The following ARHGAP33 variants were observed in gnomAD, a reference collection of about 807,000 sequenced individuals.
The protein encoded by ARHGAP33 is rho GTPase-activating protein 33.
Under a neutral mutation model 126.2 loss-of-function variants are expected in ARHGAP33, and 57 were observed. The ratio of observed to expected loss-of-function variants is 0.45; its 90% CI spans 0.36 to 0.56. The LOEUF (loss-of-function observed/expected upper bound fraction) is 0.56. Among genes scored for constraint, ARHGAP33 ranks in the 20% least tolerant of loss-of-function variants. The pLI, the probability that ARHGAP33 is intolerant of heterozygous loss-of-function variation, is 0.00. For missense variants in ARHGAP33, 1,500 were observed against 1,748.3 expected (o/e 0.86, Z 2.53); for synonymous variants, 711 against 755.0 (o/e 0.94, Z 0.95).
At position 35,780,249 on chromosome 19, in the gene ARHGAP33, G is replaced by A. The variant is rs545603389; in HGVS notation, c.540G>A (p.Glu180=). Residue 180 remains glutamate (E), a synonymous_variant, in exon 7 of 21, where the codon GAG becomes GAA. Coordinates refer to ENST00000007510, the MANE Select transcript of ARHGAP33 (RefSeq NM_001366178.1). ...GCCGGCGACTGCTCCTCAGTGAGGA[G>A]GCGTCACTCAATATCCCTGCAGTGG... ...NHGRRLLLSE[E]ASLNIPAVAA... is the part of the protein sequence containing the mutation. 3 of 1,614,006 alleles carry A rather than the reference G, an allele frequency of 1.9e-6. No homozygotes were observed. Among genetic ancestry groups the A allele is most frequent in the East Asian group, 2.2e-5 (1 of 44,886 alleles).
chr19:35,784,648 C>T (rs1260089667), intron 16 of ARHGAP33: 2 of 1,299,586 alleles, frequency 1.5e-6, no homozygotes, highest in East Asian at 3.2e-5. Flanking sequence ...GACTCCCCGC[C>T]CTGCCCCGGA....
At position 35,780,406 on chromosome 19, in the gene ARHGAP33, C is replaced by T. The variant is rs1323649528; in HGVS notation, c.625-15C>T. On this transcript the variant is annotated splice_polypyrimidine_tract_variant and intron_variant, in intron 7 of 20. Transcript: ENST00000007510. ...GCTCCTTCTGACCCTTCTCTTCCCA[C>T]CCGCCCTCTCCCAGGTGGGAGACAT... is the stretch of plus-strand genomic sequence containing the variant. 1.9e-6 allele frequency: 3 copies of T among 1,599,090 alleles called. No individual in the cohort carries two copies. Among genetic ancestry groups the T allele is most frequent in the Admixed American group, 3.4e-5 (2 of 59,042 alleles).
At chr19:35,784,498 C>G in intron 16 of ARHGAP33, 181 bp downstream of exon 16, 1 of 1,334,824 alleles carries the variant, frequency 7.5e-7, no homozygotes, top group African/African-American at 1.6e-5. Flanking sequence ...ATTTCAGCTC[C>G]TCCGCTCAGG....
intron 5 of ARHGAP33, 25 bp downstream of exon 5, chr19:35,778,626 C>T (rs1409115220): frequency 6.2e-7 from 1 of 1,606,946 alleles, no homozygotes; most frequent in Non-Finnish European, 8.5e-7. Flanking sequence ...GTCTCAGCCC[C>T]TGCCTCATGA....
intron 19 of ARHGAP33, 116 bp downstream of exon 19, chr19:35,785,599 T>C (rs1972072505): frequency 2.6e-6 from 4 of 1,516,532 alleles, no homozygotes; most frequent in Non-Finnish European, 3.5e-6. Context: ...CCTGGGGCTT[T>C]TGAAAAATTT....
At position 35,782,930 on chromosome 19, in the gene ARHGAP33, C is replaced by T. The variant is rs1445839830; in HGVS notation, c.1421+61C>T. ...TTTCCCCAAAACCACCCCAGGAACC[C>T]GCCCAGCTTTTCTTTTGTTTATTCA... On this transcript the variant is annotated intron_variant, in intron 15 of 20. Transcript: ENST00000007510. The surrounding 1 kb of genome is among the most constrained non-coding windows in gnomAD (Gnocchi z 4.1). 1.1e-4 allele frequency: 156 copies of T among 1,424,574 alleles called. No homozygotes were observed. The highest frequency in any genetic ancestry group is 6.9e-4 in the East Asian group (28 of 40,516). 88.2% of individuals were successfully genotyped at this position (1,424,574 alleles called of 1,614,324 possible). A position where few individuals can be genotyped will look rare whatever the true frequency, so the allele number is the denominator to read the frequency against.
Position 35,782,709 on chromosome 19 carries a change from G to A in ARHGAP33, c.1313+30G>A, listed in dbSNP as rs761241458. 34 of 1,610,860 alleles carry A rather than the reference G, an allele frequency of 2.1e-5. No homozygotes were observed. The highest frequency in any genetic ancestry group is 5.5e-5 in the South Asian group (5 of 90,556). On this transcript the variant is annotated intron_variant, in intron 14 of 20. Transcript: ENST00000007510. This position sits in a 1 kb window ranked among gnomAD's most constrained non-coding sequence, Gnocchi z 4.1. Reference sequence around the variant, plus strand: ...ACCAGGAGGGGCAGGGCGGGACTTGGTGGGATTCCAAGGGGGTTGAGGCTC... The same window carrying A: ...ACCAGGAGGGGCAGGGCGGGACTTGATGGGATTCCAAGGGGGTTGAGGCTC...
In ARHGAP33 at chr19:35,780,311, C is replaced by A; in HGVS notation, c.602C>A (p.Ala201Glu). The change falls in exon 7 of 21, where the codon GCG becomes GAG. Residue 201 changes from alanine to glutamate, a missense_variant. Transcript: ENST00000007510. ...GTGATCAAACGGTATACAGCCCAGGCGCCAGATGAGCTGTCCTTTGAGGTG... is the reference window on the plus strand; with the variant it reads ...GTGATCAAACGGTATACAGCCCAGGAGCCAGATGAGCTGTCCTTTGAGGTG... ...AHVIKRYTAQ[A>E]PDELSFEVGD... 2 of 1,613,728 alleles carry A rather than the reference C, an allele frequency of 1.2e-6. No homozygotes were observed. Among genetic ancestry groups the A allele is most frequent in the Non-Finnish European group, 1.7e-6 (2 of 1,180,004 alleles).
chr19:35,788,342 A>T lies in ARHGAP33; in HGVS notation c.3777A>T (p.Gln1259His), dbSNP rs778692777. The T allele has an allele frequency of 2.2e-5, 35 of 1,607,240 alleles. No homozygotes were observed. The highest frequency in any genetic ancestry group is 2.9e-5 in the Non-Finnish European group (34 of 1,177,728). The change falls in exon 21 of 21, where the codon CAA becomes CAT. Residue 1259 changes from glutamine to histidine, a missense_variant. By Grantham distance (24) the Gln-to-His change is conservative. Around this residue, in one of 6 missense-constraint regions of ARHGAP33, gnomAD observed 642 missense variants for 634.0 expected, o/e 1.01. Coordinates refer to ENST00000007510, the MANE Select transcript of ARHGAP33 (RefSeq NM_001366178.1). ...GGTCCTTGTACAGAAATGGAGGGCA[A>T]AGAGGGGAGGGGGCTGGTCCCCCAC... ...HRGSLYRNGG[Q>H]RGEGAGPPPP...
In ARHGAP33 at chr19:35,781,227, G is replaced by T; in HGVS notation, c.1060G>T (p.Val354Leu). The T allele has an allele frequency of 1.2e-6, 2 of 1,614,152 alleles. No individual in the cohort carries two copies. The highest frequency in any genetic ancestry group is 1.6e-4 in the Middle Eastern group (1 of 6,062). Reference sequence around the variant, plus strand: ...GGATGGGATCTACCGGCTCTCAGGCGTGTCTTCCAACATCCAGAGGCTTCG... The same window carrying T: ...GGATGGGATCTACCGGCTCTCAGGCTTGTCTTCCAACATCCAGAGGCTTCG... ...VVDGIYRLSG[V>L]SSNIQRLRHE... Residue 354 changes from valine to leucine, a missense_variant, in exon 12 of 21, where the codon GTG (valine) becomes TTG (leucine). Coordinates refer to ENST00000007510, the MANE Select transcript of ARHGAP33 (RefSeq NM_001366178.1).
rs758365536 is a variant in ARHGAP33 at position 35,787,020 on chromosome 19, C to T, written c.2550C>T (p.Asp850=). The T allele has an allele frequency of 1.9e-5, 30 of 1,609,238 alleles. No individual in the cohort carries two copies. The highest frequency in any genetic ancestry group is 4.5e-5 in the East Asian group (2 of 44,758). Residue 850 remains aspartate (D), a synonymous_variant, in exon 20 of 21, where the codon GAC becomes GAT. Coordinates refer to ENST00000007510, the MANE Select transcript of ARHGAP33 (RefSeq NM_001366178.1). ...LLRGAEAPLT[D]ACQQEMCSKL... is the part of the protein sequence containing the mutation. ...GAGGAGCCGAGGCCCCGCTGACTGA[C>T]GCCTGCCAGCAGGAGATGTGCAGCA... is the stretch of plus-strand genomic sequence containing the variant.
Position 35,782,727 on chromosome 19 carries a change from T to A in ARHGAP33, c.1314-35T>A. The A allele has an allele frequency of 6.2e-7, 1 of 1,611,070 alleles. No homozygotes were observed. On this transcript the variant is annotated intron_variant, in intron 14 of 20. Transcript: ENST00000007510. The surrounding 1 kb of genome is among the most constrained non-coding windows in gnomAD (Gnocchi z 4.1). ...GGACTTGGTGGGATTCCAAGGGGGTTGAGGCTCAGGTGCCCCCTCTGCTCC... is the reference window on the plus strand; with the variant it reads ...GGACTTGGTGGGATTCCAAGGGGGTAGAGGCTCAGGTGCCCCCTCTGCTCC...
Position 35,787,748 on chromosome 19 carries a change from G to A in ARHGAP33, c.3183G>A (p.Gln1061=). 1 of 1,578,884 alleles carries A rather than the reference G, an allele frequency of 6.3e-7. No individual in the cohort carries two copies. The highest frequency in any genetic ancestry group is 8.6e-7 in the Non-Finnish European group (1 of 1,168,700). The change falls in exon 21 of 21, where the codon CAG becomes CAA. Residue 1061 remains glutamine, a synonymous_variant. Transcript: ENST00000007510. ...GLYPLGPPSF[Q]PSSPAPVWRS... ...ACCCCCTGGGCCCCCCATCCTTCCAGCCCAGTTCCCCAGCCCCAGTCTGGA... is the reference window on the plus strand; with the variant it reads ...ACCCCCTGGGCCCCCCATCCTTCCAACCCAGTTCCCCAGCCCCAGTCTGGA...
At position 35,778,593 on chromosome 19, in the gene ARHGAP33, G is replaced by T; in HGVS notation, c.400G>T (p.Ala134Ser). Residue 134 changes from alanine to serine, a missense_variant, in exon 5 of 21, where the codon GCT (alanine) becomes TCT (serine). Transcript: ENST00000007510. The stretch of plus-strand genomic sequence containing the variant: ...TCCCCCGCCCCCCGAGGGTGCCAGG[G>T]CTGCCCAGGTAACCTGCTTGTTGTC... ...ELPPPPEGAR[A>S]AQMLVPLLLQ... 1 of 1,613,294 alleles carries T rather than the reference G, an allele frequency of 6.2e-7. No individual in the cohort carries two copies. The highest frequency in any genetic ancestry group is 1.1e-5 in the South Asian group (1 of 90,976).
intron 5 of ARHGAP33, 190 bp downstream of exon 5, chr19:35,778,791 A>G: frequency 9.9e-7 from 1 of 1,010,562 alleles, no homozygotes; most frequent in Non-Finnish European, 1.4e-6. Flanking sequence ...AAGTTTTAGG[A>G]TCATGGGGAG....
In ARHGAP33 at chr19:35,778,312, C is replaced by A. The variant is rs779715955; in HGVS notation, c.222C>A (p.Ser74Arg). ...LLLSPDREGP[S>R]LSGENELVFG... ...TGTCTCCAGACCGTGAAGGGCCCAG[C>A]CTCTCTGGAGAGAATGAGCTGGTGT... is the stretch of plus-strand genomic sequence containing the variant. Residue 74 changes from serine to arginine, a missense_variant, in exon 4 of 21, where the codon AGC (serine) becomes AGA (arginine). Around this residue, in one of 6 missense-constraint regions of ARHGAP33, gnomAD observed 129 missense variants for 145.9 expected, o/e 0.88. Transcript: ENST00000007510. 1 of 1,614,236 alleles carries A rather than the reference C, an allele frequency of 6.2e-7. No homozygotes were observed. Among genetic ancestry groups the A allele is most frequent in the Non-Finnish European group, 8.5e-7 (1 of 1,180,038 alleles).
At position 35,788,291 on chromosome 19, in the gene ARHGAP33, C is replaced by T. The variant is rs768431813; in HGVS notation, c.3726C>T (p.Tyr1242=). 2.5e-5 allele frequency: 41 copies of T among 1,608,544 alleles called. No homozygotes were observed. The Admixed American group carries it at 3.8e-4, about 15-fold the overall frequency. ...LLLYRAAPPA[Y]GRGGELHRGS... The stretch of plus-strand genomic sequence containing the variant: ...TCTACAGGGCAGCCCCGCCAGCCTA[C>T]GGAAGGGGGGGCGAGCTCCACCGAG... The change falls in exon 21 of 21, where the codon TAC becomes TAT. Residue 1242 remains tyrosine, a synonymous_variant. Coordinates refer to ENST00000007510, the MANE Select transcript of ARHGAP33 (RefSeq NM_001366178.1).
chr19:35,784,965 TC>T lies in ARHGAP33; in HGVS notation c.1584del (p.Arg529GlyfsTer15). On this transcript the variant is annotated frameshift_variant, in exon 17 of 21. Coordinates refer to ENST00000007510, the MANE Select transcript of ARHGAP33 (RefSeq NM_001366178.1). LOFTEE classifies it high-confidence loss of function. The stretch of plus-strand genomic sequence containing the variant: ...CCACACTCCCCAGGCCGCTGCCTGC[TC>T]CCCAGGCCCAAGTCCCTTGCGGGCA... ...AGLDPAGRCL[L>X]PRPKSLAGSC... 6.5e-7 allele frequency: 1 copy of T among 1,541,988 alleles called. No individual in the cohort carries two copies.
intron 12 of ARHGAP33, among the ~76,000 whole-genome samples, chr19:35,781,530 G>C (rs981990802): frequency 6.6e-6 from 1 of 152,244 alleles, no homozygotes; most frequent in East Asian, 1.9e-4. Context: ...CCATGGGCTA[G>C]AGGAAGAGAC....
Sources: allele counts gnomAD v4.1 joint callset (sites outside exome capture counted in the v4.1 genomes callset), GRCh38; gene constraint gnomAD v4.1.1; regional missense constraint gnomAD v4.1.1; non-coding constraint Gnocchi (gnomAD v3.1); transcripts MANE v1.5; gene names NCBI Gene and HGNC (gene_info 2026-07-23, HGNC 2026-07-21).